Variants in GAD2 observed in about 807,000 individuals in gnomAD.
GAD2 encodes the protein 65 kDa glutamic acid decarboxylase.
GAD2 carries 22 observed loss-of-function variants against 80.1 expected under a neutral mutation model. That is an observed-to-expected ratio of 0.27 (90% CI 0.20 to 0.39). GAD2 has a LOEUF of 0.39. Among genes scored for constraint, GAD2 ranks in the 10% least tolerant of loss-of-function variants. The probability of loss-of-function intolerance (pLI) is 1.00; values close to 1 mark genes in which losing one functional copy is unlikely to be tolerated. For synonymous variants in GAD2, 274 were observed against 256.9 expected, an observed-to-expected ratio of 1.07 and a Z score of -0.64; for missense variants, 624 against 738.4, an observed-to-expected ratio of 0.85 and a Z score of 1.80.
Position 26,301,387 on chromosome 10 carries a change from A to T in GAD2, c.*426A>T, listed in dbSNP as rs8190800. ...GACAATAAAAACTCTTGCCTTTTTC[A>T]TAGTATTAGAAAAAAATTTCTAATT... On this transcript the variant is annotated 3_prime_UTR_variant, in exon 16 of 16. Transcript: ENST00000376261. 0.069 allele frequency: 10,515 copies of T among 152,628 alleles called. 450 individuals carry two copies. Among genetic ancestry groups the T allele is most frequent in the Non-Finnish European group, 0.098 (6,696 of 68,278 alleles). 9.5% of individuals were successfully genotyped at this position (152,628 alleles called of 1,614,324 possible). A position where few individuals can be genotyped will look rare whatever the true frequency, so the allele number is the denominator to read the frequency against.
chr10:26,299,103 A>T (rs910380372), intron 15 of GAD2, among the ~76,000 whole-genome samples: 1 of 152,218 alleles, frequency 6.6e-6, no homozygotes, highest in Admixed American at 6.5e-5. Context: ...TTTTTAGAGA[A>T]GGAAATTAGG....
chr10:26,226,951 A>C (rs1289432594), intron 6 of GAD2, among the ~76,000 whole-genome samples: 1 of 152,182 alleles, frequency 6.6e-6, no homozygotes, highest in Non-Finnish European at 1.5e-5. Context: ...CCTAGCTAAC[A>C]GGGTTTTCAT....
intron 10 of GAD2, among the ~76,000 whole-genome samples, chr10:26,273,054 C>T (rs756543235): frequency 6.6e-6 from 1 of 152,206 alleles, no homozygotes; most frequent in Non-Finnish European, 1.5e-5. Flanking sequence ...GATTACTACA[C>T]CAATTCAAAT....
At chr10:26,258,296 A>ACCCCC (rs1213359114) in intron 8 of GAD2, among the ~76,000 whole-genome samples, 5 of 152,254 alleles carry the variant, frequency 3.3e-5, no homozygotes, top group African/African-American at 1.2e-4. Flanking sequence ...ATGGCTTGTA[A>ACCCCC]GTGAAGAGTC....
rs544913630 is a variant in GAD2, at chr10:26,227,451, G to A, written c.725-2211G>A. ...TGAGTTGCAGAGTGAGGTGTGGGAGGGCAGGGCTGGAAGCTTCAGAAGAAA... is the reference window on the plus strand; with the variant it reads ...TGAGTTGCAGAGTGAGGTGTGGGAGAGCAGGGCTGGAAGCTTCAGAAGAAA... On this transcript the variant is annotated intron_variant, in intron 6 of 15. Coordinates refer to ENST00000376261, the MANE Select transcript of GAD2 (RefSeq NM_001134366.2). Among the ~76,000 whole-genome samples, 3 of 152,292 alleles carry A rather than the reference G, an allele frequency of 2.0e-5. No individual in the cohort carries two copies. In the South Asian group the frequency reaches 6.2e-4, roughly 32 times the overall value.
At chr10:26,229,490 A>G (rs1416993519) in intron 6 of GAD2, among the ~76,000 whole-genome samples, 172 bp from the exon 7 acceptor site, 5 of 152,128 alleles carry the variant, frequency 3.3e-5, no homozygotes, top group Admixed American at 6.5e-5. Context: ...TCCTGTCCCC[A>G]TGTGCCCTCT....
chr10:26,261,149 T>G (rs1845005177), intron 8 of GAD2, among the ~76,000 whole-genome samples: 1 of 152,240 alleles, frequency 6.6e-6, no homozygotes, highest in African/African-American at 2.4e-5. Flanking sequence ...GCTTTTTTAT[T>G]TCATCTGTTG....
chr10:26,221,098 A>G (rs905932898), intron 4 of GAD2, among the ~76,000 whole-genome samples: 10 of 152,258 alleles, frequency 6.6e-5, no homozygotes, highest in Admixed American at 4.6e-4. Flanking sequence ...ATTTCAAAAA[A>G]TTAACAGCAG....
intron 11 of GAD2, among the ~76,000 whole-genome samples, chr10:26,277,608 A>T (rs985389736): frequency 6.6e-6 from 1 of 152,212 alleles, no homozygotes; most frequent in African/African-American, 2.4e-5. Context: ...CAGGTGCAGG[A>T]CAGGAAAGAA....
intron 7 of GAD2, 135 bp downstream of exon 7, chr10:26,229,912 C>A: frequency 1.6e-6 from 1 of 643,166 alleles, no homozygotes. Context: ...GGGGAGAAAG[C>A]TGAGTGGTAC....
At position 26,292,708 on chromosome 10, in the gene GAD2, C is replaced by T. The variant is rs1480443402; in HGVS notation, c.1494+136C>T. The T allele has an allele frequency of 1.7e-5, 15 of 861,570 alleles. No individual in the cohort carries two copies. In the East Asian group the frequency reaches 3.2e-4, roughly 18 times the overall value. The allele number at this position is 861,570 out of a possible 1,614,324, so 53.4% of individuals were successfully genotyped here. A position where few individuals can be genotyped will look rare whatever the true frequency, so the allele number is the denominator to read the frequency against. On this transcript the variant is annotated intron_variant, in intron 14 of 15. Coordinates refer to ENST00000376261, the MANE Select transcript of GAD2 (RefSeq NM_001134366.2). The stretch of plus-strand genomic sequence containing the variant: ...AGCAGTGGATGACGGGGTAGCTATT[C>T]CAAGCTGGAATAAAGACGAAACTCT...
intron 7 of GAD2, among the ~76,000 whole-genome samples, chr10:26,237,596 T>C (rs1844690888): frequency 6.6e-6 from 1 of 152,112 alleles, no homozygotes; most frequent in African/African-American, 2.4e-5. Context: ...GGATGTGCCC[T>C]TCCTCCCAAA....
intron 7 of GAD2, among the ~76,000 whole-genome samples, chr10:26,241,055 A>G (rs368302916): frequency 5.9e-5 from 9 of 152,182 alleles, no homozygotes; most frequent in Non-Finnish European, 1.3e-4. Context: ...AAAGAAAAAA[A>G]AAAGAGAGAG....
At chr10:26,273,611 T>C (rs1241580486) in intron 10 of GAD2, 25 bp from the exon 11 acceptor site, 1 of 1,602,382 alleles carries the variant, frequency 6.2e-7, no homozygotes, top group Non-Finnish European at 8.5e-7. Flanking sequence ...ACTGCTACCA[T>C]TTTCCTCATA....
intron 8 of GAD2, among the ~76,000 whole-genome samples, chr10:26,254,017 T>G (rs1844914137): frequency 6.6e-6 from 1 of 152,166 alleles, no homozygotes; most frequent in Non-Finnish European, 1.5e-5. Context: ...AGATTCTTTT[T>G]CTTTTCTTTT....
intron 15 of GAD2, among the ~76,000 whole-genome samples, chr10:26,300,203 G>A (rs8190794): frequency 0.063 from 9,515 of 152,200 alleles, 990 homozygotes; most frequent in African/African-American, 0.21. Context: ...TGAAACATAT[G>A]TTAAGTCCTT....
rs538868995 is a variant in GAD2 at position 26,243,534 on chromosome 10, G to A, written c.841-2387G>A. 3.9e-5 allele frequency among the ~76,000 whole-genome samples: 6 copies of A among 152,300 alleles called. No individual in the cohort carries two copies. In the South Asian group the frequency reaches 6.2e-4, roughly 16 times the overall value. On this transcript the variant is annotated intron_variant, in intron 7 of 15. Transcript: ENST00000376261. ...GCAGATGCAGTACAGCTGGGCTTAG[G>A]TTAGCCTTTCTCAGCTCTCCAAATG...
chr10:26,302,941 C>T lies in GAD2; in HGVS notation c.*1980C>T, dbSNP rs8190806. Reference sequence around the variant, plus strand: ...TTAGACAAAGCATTAGAAAGCAGTTCCTTTCTCAAAACTGCCTGCTGAGAA... The same window carrying T: ...TTAGACAAAGCATTAGAAAGCAGTTTCTTTCTCAAAACTGCCTGCTGAGAA... On this transcript the variant is annotated 3_prime_UTR_variant, in exon 16 of 16. Coordinates refer to ENST00000376261, the MANE Select transcript of GAD2 (RefSeq NM_001134366.2). 11 of 152,186 alleles carry T rather than the reference C, an allele frequency of 7.2e-5. No individual in the cohort carries two copies. Among genetic ancestry groups the T allele is most frequent in the Non-Finnish European group, 1.3e-4 (9 of 68,030 alleles). 9.4% of individuals were successfully genotyped at this position (152,186 alleles called of 1,614,324 possible).
chr10:26,230,395 G>C (rs1265876742), intron 7 of GAD2, among the ~76,000 whole-genome samples: 1 of 152,082 alleles, frequency 6.6e-6, no homozygotes, highest in Non-Finnish European at 1.5e-5. Flanking sequence ...TGATCTGATA[G>C]ATATTCTGCC....
Sources: gnomAD v4.1 joint callset for allele counts (sites outside exome capture counted in the v4.1 genomes callset) on GRCh38, gnomAD v4.1.1 for gene constraint, MANE v1.5 for transcripts, NCBI Gene and HGNC (gene_info 2026-07-23, HGNC 2026-07-21) for gene names.